Variants in BCLAF1 observed in about 807,000 individuals in gnomAD.
BCLAF1 encodes the protein bcl-2-associated transcription factor 1.
BCLAF1 carries 10 observed loss-of-function variants against 99.5 expected under a neutral mutation model. The ratio of observed to expected loss-of-function variants is 0.10; its 90% CI spans 0.06 to 0.17. BCLAF1 has a LOEUF of 0.17. BCLAF1 is among the 10% of genes least tolerant of loss of function. BCLAF1 has a pLI of 1.00. For missense variants in BCLAF1, 636 were observed against 1,105.8 expected (o/e 0.58, Z 6.02); for synonymous variants, 255 against 370.9 (o/e 0.69, Z 3.59).
At chr6:136,276,734 C>T (rs2128481455) in intron 4 of BCLAF1, among the ~76,000 whole-genome samples, 1 of 152,274 alleles carries the variant, frequency 6.6e-6, no homozygotes, top group South Asian at 2.1e-4. Context: ...AAGTTTAAAA[C>T]ACAAAGCCAA....
rs779307722 is a variant in BCLAF1 at position 136,278,247 on chromosome 6, T to C, written c.634A>G (p.Ile212Val). 1 of 1,614,156 alleles carries C rather than the reference T, an allele frequency of 6.2e-7. No homozygotes were observed. The highest frequency in any genetic ancestry group is 1.1e-5 in the South Asian group (1 of 91,088). ...FNKSSATSGD[I>V]WPGLSAYDNS... ...TCATAAGCTGAAAGGCCAGGCCAAA[T>C]ATCACCGGATGTGGCTGATGACTTA... Residue 212 changes from isoleucine to valine, a missense_variant, in exon 4 of 13, where the codon ATT becomes GTT. Around this residue, in one of 9 missense-constraint regions of BCLAF1, gnomAD observed 65 missense variants for 90.9 expected, o/e 0.71. Transcript: ENST00000531224.
rs757109222 is a variant in BCLAF1, at chr6:136,267,195, T to C, written c.2398-20A>G. 5 of 1,609,958 alleles carry C rather than the reference T, an allele frequency of 3.1e-6. No individual in the cohort carries two copies. The Admixed American group carries it at 8.4e-5, about 27-fold the overall frequency. ...TCGAAACTGATTAACATTAACAAAG[T>C]TGTTTAGTGATGCAATCAAAAGGTA... is the stretch of plus-strand genomic sequence containing the variant. On this transcript the variant is annotated intron_variant, in intron 10 of 12. Transcript: ENST00000531224.
At chr6:136,268,137 A>AT in intron 10 of BCLAF1, 25 bp downstream of exon 10, 4 of 1,506,442 alleles carry the variant, frequency 2.7e-6, no homozygotes, top group Non-Finnish European at 3.5e-6. Context: ...CCTACCAAAC[A>AT]ATCAAAGATA....
At chr6:136,285,407 T>C (rs965489163) in intron 1 of BCLAF1, among the ~76,000 whole-genome samples, 18 of 152,184 alleles carry the variant, frequency 1.2e-4, no homozygotes, top group African/African-American at 4.3e-4. Flanking sequence ...ACAAAAGATG[T>C]GTTTGCCGTT....
rs1210716189 is a variant in BCLAF1 at position 136,279,691 on chromosome 6, G to A, written c.104+72C>T. ...AAAATACATTTTGGGGTTTAGCACT[G>A]TGTTTACGATACTCATTCAACAAGT... On this transcript the variant is annotated intron_variant, in intron 3 of 12. Coordinates refer to ENST00000531224, the MANE Select transcript of BCLAF1 (RefSeq NM_014739.3). 6.0e-6 allele frequency: 8 copies of A among 1,326,868 alleles called. No homozygotes were observed. In the African/African-American group the frequency reaches 1.2e-4, roughly 20 times the overall value. The allele number at this position is 1,326,868 out of a possible 1,614,324, so 82.2% of individuals were successfully genotyped here. A position where few individuals can be genotyped will look rare whatever the true frequency, so the allele number is the denominator to read the frequency against.
intron 11 of BCLAF1, among the ~76,000 whole-genome samples, chr6:136,262,220 A>T (rs553918450): frequency 5.3e-5 from 8 of 152,308 alleles, no homozygotes; most frequent in African/African-American, 1.9e-4. Flanking sequence ...TTGACTTTGT[A>T]GATGAGTAGA....
intron 8 of BCLAF1, among the ~76,000 whole-genome samples, chr6:136,270,957 G>A (rs1220161284): frequency 6.6e-6 from 1 of 151,162 alleles, no homozygotes; most frequent in Middle Eastern, 3.4e-3. Flanking sequence ...ACATCAATAC[G>A]CCCCATGCAA....
chr6:136,281,530 C>A (rs1460059000), intron 2 of BCLAF1, among the ~76,000 whole-genome samples: 1 of 152,080 alleles, frequency 6.6e-6, no homozygotes, highest in Non-Finnish European at 1.5e-5. Context: ...TCATTCTGAT[C>A]GAATTTACTT....
intron 7 of BCLAF1, 38 bp from the exon 8 acceptor site, chr6:136,272,117 T>C: frequency 6.9e-7 from 1 of 1,442,128 alleles, no homozygotes; most frequent in South Asian, 1.3e-5. Flanking sequence ...GTCATATTAT[T>C]AACTTTTTGG....
At chr6:136,283,178 C>CAAAAA (rs1173234336) in intron 1 of BCLAF1, among the ~76,000 whole-genome samples, 22 of 52,036 alleles carry the variant, frequency 4.2e-4, no homozygotes, top group African/African-American at 1.4e-3. Context: ...GACCCCATCT[C>CAAAAA]AAAAAAAAAA....
intron 11 of BCLAF1, among the ~76,000 whole-genome samples, chr6:136,264,495 G>A (rs771615525): frequency 7.9e-5 from 12 of 152,048 alleles, no homozygotes; most frequent in South Asian, 2.1e-4. Flanking sequence ...GTGAGCCACC[G>A]TGCCTGGCCT....
At chr6:136,284,840 G>A (rs1033387231) in intron 1 of BCLAF1, among the ~76,000 whole-genome samples, 2 of 151,922 alleles carry the variant, frequency 1.3e-5, no homozygotes, top group Admixed American at 6.5e-5. Flanking sequence ...GGAGGGGGGG[G>A]AAAAGTACAA....
rs1312035854 is a variant in BCLAF1 at position 136,259,379 on chromosome 6, G to A, written c.*1731C>T. ...GATGTCTAACCAAGTAACTGTTATGGTATTTATTTGTATACAATAAAAGGG... is the reference window on the plus strand; with the variant it reads ...GATGTCTAACCAAGTAACTGTTATGATATTTATTTGTATACAATAAAAGGG... On this transcript the variant is annotated 3_prime_UTR_variant, in exon 13 of 13. Transcript: ENST00000531224. 6.6e-6 allele frequency: 1 copy of A among 151,972 alleles called. No homozygotes were observed. Among genetic ancestry groups the A allele is most frequent in the Non-Finnish European group, 1.5e-5 (1 of 67,894 alleles). 9.4% of individuals were successfully genotyped at this position (151,972 alleles called of 1,614,324 possible).
rs1780729685 is a variant in BCLAF1, at chr6:136,259,579, T to A, written c.*1531A>T. On this transcript the variant is annotated 3_prime_UTR_variant, in exon 13 of 13. Coordinates refer to ENST00000531224, the MANE Select transcript of BCLAF1 (RefSeq NM_014739.3). ...AGAAAGACATGTTAACGGGGGAAAATCACACAATACTAAGGATCTGAGGGC... is the reference window on the plus strand; with the variant it reads ...AGAAAGACATGTTAACGGGGGAAAAACACACAATACTAAGGATCTGAGGGC... 6.6e-6 allele frequency: 1 copy of A among 152,036 alleles called. No homozygotes were observed. The allele number at this position is 152,036 out of a possible 1,614,324, so 9.4% of individuals were successfully genotyped here. A position where few individuals can be genotyped will look rare whatever the true frequency, so the allele number is the denominator to read the frequency against.
At position 136,259,166 on chromosome 6, in the gene BCLAF1, T is replaced by C. The variant is rs920960235; in HGVS notation, c.*1944A>G. On this transcript the variant is annotated 3_prime_UTR_variant, in exon 13 of 13. Transcript: ENST00000531224. The stretch of plus-strand genomic sequence containing the variant: ...CCTAGCCTACTACACTCTGGTATAA[T>C]ACTCTTTCTTCAATTCTGTTTAACA... 6.6e-6 allele frequency: 1 copy of C among 152,072 alleles called. No individual in the cohort carries two copies. The highest frequency in any genetic ancestry group is 1.5e-5 in the Non-Finnish European group (1 of 67,912). 9.4% of individuals were successfully genotyped at this position (152,072 alleles called of 1,614,324 possible).
rs187008854 is a variant in BCLAF1, at chr6:136,266,888, G to A, written c.2544+141C>T. 4.6e-5 allele frequency: 50 copies of A among 1,098,618 alleles called. No homozygotes were observed. The African/African-American group carries it at 5.1e-4, about 11-fold the overall frequency. 68.1% of individuals were successfully genotyped at this position (1,098,618 alleles called of 1,614,324 possible). ...CCCACATTTTTCAAAATTTCAAATC[G>A]TCTGGGTAATTATTTTAAAAAAGGT... On this transcript the variant is annotated intron_variant, in intron 11 of 12. Transcript: ENST00000531224.
chr6:136,267,360 T>A (rs762626590), intron 10 of BCLAF1, among the ~76,000 whole-genome samples, 185 bp from the exon 11 acceptor site: 1 of 151,952 alleles, frequency 6.6e-6, no homozygotes, highest in African/African-American at 2.4e-5. Context: ...CAACTAAAAG[T>A]TGAGTAGGTT....
chr6:136,263,186 G>T (rs1781256024), intron 11 of BCLAF1, among the ~76,000 whole-genome samples: 1 of 151,984 alleles, frequency 6.6e-6, no homozygotes, highest in Admixed American at 6.6e-5. Context: ...TAAGTAACTT[G>T]CCCAAGGTCA....
At chr6:136,285,923 C>T (rs1159963558) in intron 1 of BCLAF1, among the ~76,000 whole-genome samples, 2 of 151,978 alleles carry the variant, frequency 1.3e-5, no homozygotes, top group African/African-American at 4.8e-5. Context: ...CATGGTGAAA[C>T]CCCGTCTCTA....
Sources: gnomAD v4.1 joint callset for allele counts (sites outside exome capture counted in the v4.1 genomes callset) on GRCh38, gnomAD v4.1.1 for gene constraint, gnomAD v4.1.1 regional missense constraint, MANE v1.5 for transcripts, NCBI Gene and HGNC (gene_info 2026-07-23, HGNC 2026-07-21) for gene names.